AFF3: variants seen among roughly 807,000 people sequenced by gnomAD.
AFF3 encodes ALF transcription elongation factor 3.
A neutral mutation model predicts 129.7 loss-of-function variants in AFF3; 32 were observed. The ratio of observed to expected loss-of-function variants is 0.25; its 90% CI spans 0.19 to 0.33. The LOEUF (loss-of-function observed/expected upper bound fraction) is 0.33. Among genes scored for constraint, AFF3 ranks in the 10% least tolerant of loss-of-function variants. AFF3 has a pLI of 1.00. For missense variants in AFF3, 1,373 were observed against 1,592.0 expected (o/e 0.86, Z 2.34); for synonymous variants, 644 against 635.4 (o/e 1.01, Z -0.20).
At chr2:100,013,425 C>CT (rs1263756879) in intron 4 of AFF3, among the ~76,000 whole-genome samples, 1 of 152,172 alleles carries the variant, frequency 6.6e-6, no homozygotes, top group East Asian at 1.9e-4. Flanking sequence ...AATATTATGA[C>CT]TAGGTTAACT....
At position 100,063,916 on chromosome 2, in the gene AFF3, C is replaced by A. The variant is rs190680857; in HGVS notation, c.53+40486G>T. Among the ~76,000 whole-genome samples, 297 of 151,896 alleles carry A rather than the reference C, an allele frequency of 2.0e-3. 6 individuals are homozygous for A. Among genetic ancestry groups the A allele is most frequent in the African/African-American group, 6.9e-3 (287 of 41,436 alleles). On this transcript the variant is annotated intron_variant, in intron 4 of 24. Transcript: ENST00000672756. ...ACCATCCTGACCAACATGGAGAAACCCCATATCTACTAAAAATACAAACTT... is the reference window on the plus strand; with the variant it reads ...ACCATCCTGACCAACATGGAGAAACACCATATCTACTAAAAATACAAACTT...
Position 100,104,495 on chromosome 2 carries a change from G to A in AFF3, c.-41C>T, listed in dbSNP as rs558343484. The A allele has an allele frequency of 2.2e-5, 29 of 1,299,312 alleles. 1 individual carries two copies. In the South Asian group the frequency reaches 3.2e-4, roughly 14 times the overall value. 80.5% of individuals were successfully genotyped at this position (1,299,312 alleles called of 1,614,324 possible). On this transcript the variant is annotated 5_prime_UTR_variant, in exon 4 of 25. Coordinates refer to ENST00000672756, the MANE Select transcript of AFF3 (RefSeq NM_001386135.1). ...CGTCGCCGCCGCCGCTACCGCCGCC[G>A]CCGAGGCTCGGGCCGCCCGCGCGCT...
chr2:99,705,850 G>T (rs950727931), intron 11 of AFF3, among the ~76,000 whole-genome samples: 1 of 139,006 alleles, frequency 7.2e-6, no homozygotes, highest in Non-Finnish European at 1.5e-5. Flanking sequence ...CTCCAGCCTG[G>T]GTGACAAGAG....
intron 8 of AFF3, among the ~76,000 whole-genome samples, chr2:99,761,554 C>T (rs559022097): frequency 8.5e-5 from 13 of 152,280 alleles, no homozygotes; most frequent in African/African-American, 2.2e-4. Context: ...TTGGGCATCC[C>T]CACCTCACGT....
rs1215089081 is a variant in AFF3 at position 99,652,678 on chromosome 2, G to A, written c.1144-3012C>T. 3.9e-5 allele frequency among the ~76,000 whole-genome samples: 6 copies of A among 152,248 alleles called. No homozygotes were observed. In the South Asian group the frequency reaches 6.2e-4, roughly 16 times the overall value. ...GCCATTCATTTGCTATGGACCTTGCGTCTGGCCTTCAACCTCCGGCTTAGT... is the reference window on the plus strand; with the variant it reads ...GCCATTCATTTGCTATGGACCTTGCATCTGGCCTTCAACCTCCGGCTTAGT... On this transcript the variant is annotated intron_variant, in intron 12 of 24. Transcript: ENST00000672756.
intron 13 of AFF3, among the ~76,000 whole-genome samples, chr2:99,638,292 T>C (rs900703414): frequency 6.6e-6 from 1 of 152,130 alleles, no homozygotes. Context: ...ACTCCTGACC[T>C]CAGGTGATAT....
intron 4 of AFF3, among the ~76,000 whole-genome samples, chr2:100,103,499 T>G (rs1690908528): frequency 7.0e-6 from 1 of 141,870 alleles, no homozygotes; most frequent in Admixed American, 7.1e-5. Context: ...GTTGGAAACA[T>G]TTAAGAGATA....
intron 19 of AFF3, among the ~76,000 whole-genome samples, chr2:99,567,387 C>G (rs979974201): frequency 1.3e-5 from 2 of 152,150 alleles, no homozygotes; most frequent in Non-Finnish European, 2.9e-5. Flanking sequence ...CAAGCGAAAG[C>G]TCTTTCCAGG....
In AFF3 at chr2:99,714,913, A is replaced by G. The variant is rs146560146; in HGVS notation, c.1091+12164T>C. Among the ~76,000 whole-genome samples, 15 of 152,346 alleles carry G rather than the reference A, an allele frequency of 9.8e-5. No individual in the cohort carries two copies. In the East Asian group the frequency reaches 2.9e-3, roughly 29 times the overall value. On this transcript the variant is annotated intron_variant, in intron 11 of 24. Coordinates refer to ENST00000672756, the MANE Select transcript of AFF3 (RefSeq NM_001386135.1). ...CTGACATGAACATGTTGCACTTTGCATGTTTCTATATGACTCCAAGTTGCA... is the reference window on the plus strand; with the variant it reads ...CTGACATGAACATGTTGCACTTTGCGTGTTTCTATATGACTCCAAGTTGCA...
chr2:99,917,460 T>A (rs1695549721), intron 7 of AFF3, among the ~76,000 whole-genome samples: 1 of 152,158 alleles, frequency 6.6e-6, no homozygotes, highest in Non-Finnish European at 1.5e-5. Flanking sequence ...TAACAGGGAA[T>A]GTGGATTCTA....
chr2:99,998,142 T>C (rs1681027865), intron 7 of AFF3, among the ~76,000 whole-genome samples: 1 of 152,194 alleles, frequency 6.6e-6, no homozygotes, highest in Non-Finnish European at 1.5e-5. Context: ...TGAGGTACTG[T>C]CCTGAGGGAC....
intron 11 of AFF3, among the ~76,000 whole-genome samples, chr2:99,722,027 T>A (rs1575789877): frequency 6.6e-6 from 1 of 152,360 alleles, no homozygotes; most frequent in East Asian, 1.9e-4. Flanking sequence ...GTTTACTGAT[T>A]ATTTTTTCAT....
At chr2:100,101,324 C>T (rs1200755847) in intron 4 of AFF3, among the ~76,000 whole-genome samples, 1 of 151,956 alleles carries the variant, frequency 6.6e-6, no homozygotes, top group African/African-American at 2.4e-5. Flanking sequence ...TTCAAAGCCA[C>T]AGTCACCACT....
In AFF3 at chr2:99,550,349, CAAAACGCATCA is replaced by C. The variant is rs1674319894; in HGVS notation, c.*1114_*1124del. On this transcript the variant is annotated 3_prime_UTR_variant, in exon 25 of 25. Coordinates refer to ENST00000672756, the MANE Select transcript of AFF3 (RefSeq NM_001386135.1). ...AAAGCCTGAAAAATCGCCCCCAAAT[CAAAACGCATCA>C]AAGGGCTGCAGGTGCACATTCTGCA... is the stretch of plus-strand genomic sequence containing the variant. The C allele has an allele frequency of 8.7e-6, 2 of 230,488 alleles. No homozygotes were observed. Among genetic ancestry groups the C allele is most frequent in the East Asian group, 1.2e-4 (2 of 16,228 alleles). 14.3% of individuals were successfully genotyped at this position (230,488 alleles called of 1,614,324 possible). A position where few individuals can be genotyped will look rare whatever the true frequency, so the allele number is the denominator to read the frequency against.
At chr2:99,739,446 G>A (rs1680532283) in intron 10 of AFF3, among the ~76,000 whole-genome samples, 1 of 152,118 alleles carries the variant, frequency 6.6e-6, no homozygotes, top group Non-Finnish European at 1.5e-5. Context: ...GGATTCTGAA[G>A]GAAGGGGAAG....
chr2:100,106,854 T>C, intron 2 of AFF3: 2 of 985,302 alleles, frequency 2.0e-6, no homozygotes, highest in Non-Finnish European at 2.4e-6. Context: ...TGAAGATAAA[T>C]AGATGATCCC....
In AFF3 at chr2:99,824,564, C is replaced by T. The variant is rs561341169; in HGVS notation, c.921+12913G>A. Among the ~76,000 whole-genome samples, 4 of 152,308 alleles carry T rather than the reference C, an allele frequency of 2.6e-5. No individual in the cohort carries two copies. In the South Asian group the frequency reaches 8.3e-4, roughly 32 times the overall value. On this transcript the variant is annotated intron_variant, in intron 8 of 24. Coordinates refer to ENST00000672756, the MANE Select transcript of AFF3 (RefSeq NM_001386135.1). ...CATAGGATATAACTTTTATAACTTTCTAAGGAATCCAGGGGAGAGAGAAAT... is the reference window on the plus strand; with the variant it reads ...CATAGGATATAACTTTTATAACTTTTTAAGGAATCCAGGGGAGAGAGAAAT...
intron 18 of AFF3, among the ~76,000 whole-genome samples, chr2:99,571,461 T>C (rs1160743509): frequency 1.3e-5 from 2 of 152,198 alleles, no homozygotes; most frequent in African/African-American, 2.4e-5. Flanking sequence ...CCTTAATCAA[T>C]ATTGTTTTCA....
At chr2:99,575,406 C>A (rs952269434) in intron 18 of AFF3, among the ~76,000 whole-genome samples, 1 of 137,548 alleles carries the variant, frequency 7.3e-6, no homozygotes, top group Non-Finnish European at 1.5e-5. Flanking sequence ...ATTACAGGTG[C>A]CTGGCTAATT....
Sources: gnomAD v4.1 joint callset for allele counts (sites outside exome capture counted in the v4.1 genomes callset) on GRCh38, gnomAD v4.1.1 for gene constraint, MANE v1.5 for transcripts, NCBI Gene and HGNC (gene_info 2026-07-23, HGNC 2026-07-21) for gene names.